The following PIP5K1B variants were observed in gnomAD, a reference collection of about 807,000 sequenced individuals.
The protein encoded by PIP5K1B is phosphatidylinositol 4-phosphate 5-kinase type-1 beta.
Under a neutral mutation model 67.0 loss-of-function variants are expected in PIP5K1B, and 42 were observed. The ratio of observed to expected loss-of-function variants is 0.63; its 90% confidence interval spans 0.49 to 0.81. PIP5K1B has a LOEUF of 0.81. Ranked by LOEUF, PIP5K1B falls within the 30% of genes least tolerant of loss-of-function variation. The probability of loss-of-function intolerance (pLI) is 0.00; values close to 1 mark genes in which losing one functional copy is unlikely to be tolerated. For synonymous variants in PIP5K1B, 214 were observed against 231.4 expected (o/e 0.92, Z 0.68); for missense variants, 459 against 646.3 (o/e 0.71, Z 3.14).
chr9:68,789,081 G>A, intron 2 of PIP5K1B: 4 of 519,304 alleles, frequency 7.7e-6, no homozygotes, highest in Admixed American at 2.3e-5. Flanking sequence ...TGTAGAACCT[G>A]ATTTATCAAT....
chr9:68,917,478 T>A (rs538212763), intron 8 of PIP5K1B, 70 bp from the exon 9 acceptor site: 63 of 1,081,958 alleles, frequency 5.8e-5, no homozygotes, highest in Non-Finnish European at 7.8e-5. Flanking sequence ...TCTAGAGCTC[T>A]CTGATAATGA....
intron 2 of PIP5K1B, among the ~76,000 whole-genome samples, chr9:68,768,876 C>T (rs1830555117): frequency 6.6e-6 from 1 of 152,142 alleles, no homozygotes. Context: ...TGTTGTTGGC[C>T]CTTGGAGGCA....
At chr9:68,913,389 A>T in intron 8 of PIP5K1B, among the ~76,000 whole-genome samples, 1 of 152,216 alleles carries the variant, frequency 6.6e-6, no homozygotes. Flanking sequence ...GGTGTCTGTC[A>T]TGTTGCAGAA....
At chr9:68,790,061 A>T (rs1406701576) in intron 2 of PIP5K1B, among the ~76,000 whole-genome samples, 2 of 151,998 alleles carry the variant, frequency 1.3e-5, no homozygotes, top group Non-Finnish European at 2.9e-5. Context: ...AACCAGTTTG[A>T]CCCTTCCCTC....
chr9:68,921,375 C>T (rs1188118417), intron 11 of PIP5K1B, among the ~76,000 whole-genome samples: 1 of 151,898 alleles, frequency 6.6e-6, no homozygotes, highest in Non-Finnish European at 1.5e-5. Flanking sequence ...GAAAGAAGGT[C>T]AATATGGTAG....
At chr9:68,965,210 AAT>A (rs1828957549) in intron 14 of PIP5K1B, among the ~76,000 whole-genome samples, 1 of 9,628 alleles carries the variant, frequency 1.0e-4, no homozygotes, top group Non-Finnish European at 3.8e-3. Context: ...GAGATAAGAA[AAT>A]ATATATGACT....
At chr9:68,992,910 G>C (rs1339618972) in intron 15 of PIP5K1B, among the ~76,000 whole-genome samples, 3 of 140,732 alleles carry the variant, frequency 2.1e-5, no homozygotes, top group Non-Finnish European at 4.5e-5. Flanking sequence ...TGTAATCCCA[G>C]CACTTTGGGA....
intron 14 of PIP5K1B, among the ~76,000 whole-genome samples, chr9:68,972,005 T>A (rs1215611474): frequency 6.6e-6 from 1 of 152,238 alleles, no homozygotes; most frequent in African/African-American, 2.4e-5. Flanking sequence ...ATCTCATTTG[T>A]CAGTTTTGGC....
chr9:68,958,931 A>G (rs1382035823), intron 14 of PIP5K1B, among the ~76,000 whole-genome samples: 1 of 152,212 alleles, frequency 6.6e-6, no homozygotes, highest in African/African-American at 2.4e-5. Flanking sequence ...AACTAAGTAT[A>G]ATCGTCACCT....
chr9:68,952,055 G>A (rs1272034177), intron 14 of PIP5K1B, among the ~76,000 whole-genome samples: 2 of 151,892 alleles, frequency 1.3e-5, no homozygotes, highest in African/African-American at 4.8e-5. Flanking sequence ...CAGTTTCCCT[G>A]TATAGTTACA....
At chr9:68,722,981 A>G (rs957131271) in intron 1 of PIP5K1B, among the ~76,000 whole-genome samples, 1 of 152,134 alleles carries the variant, frequency 6.6e-6, no homozygotes, top group Non-Finnish European at 1.5e-5. Flanking sequence ...TCTCATAACT[A>G]TCATTTTATT....
intron 4 of PIP5K1B, among the ~76,000 whole-genome samples, chr9:68,826,980 G>C (rs753394815): frequency 6.6e-6 from 1 of 152,136 alleles, no homozygotes; most frequent in African/African-American, 2.4e-5. Flanking sequence ...TCGAACTCCT[G>C]AGCTCAGGCA....
At chr9:68,992,939 A>G (rs1373423127) in intron 15 of PIP5K1B, among the ~76,000 whole-genome samples, 2 of 148,758 alleles carry the variant, frequency 1.3e-5, no homozygotes, top group African/African-American at 5.0e-5. Context: ...CAGGAGCATC[A>G]GGAGGTCAGG....
intron 2 of PIP5K1B, among the ~76,000 whole-genome samples, chr9:68,745,557 C>G (rs929846213): frequency 2.0e-5 from 3 of 152,174 alleles, no homozygotes; most frequent in Non-Finnish European, 2.9e-5. Context: ...TGACACACAG[C>G]ATAGAAAAGG....
chr9:68,967,499 A>C (rs1008502994), intron 14 of PIP5K1B, among the ~76,000 whole-genome samples: 2 of 152,198 alleles, frequency 1.3e-5, no homozygotes, highest in African/African-American at 2.4e-5. Context: ...GGAAGCTAAG[A>C]ATTAGTTCAC....
At chr9:68,740,834 A>G (rs984165384) in intron 1 of PIP5K1B, among the ~76,000 whole-genome samples, 1 of 152,252 alleles carries the variant, frequency 6.6e-6, no homozygotes, top group Non-Finnish European at 1.5e-5. Flanking sequence ...AAATGTCACA[A>G]GATCTGAGCT....
intron 6 of PIP5K1B, among the ~76,000 whole-genome samples, chr9:68,878,699 A>G (rs1316720966): frequency 2.0e-5 from 3 of 152,218 alleles, no homozygotes; most frequent in South Asian, 2.1e-4. Context: ...TAATTTGTCT[A>G]TGTAGAAAAC....
At chr9:68,802,740 G>A (rs1309887847) in intron 2 of PIP5K1B, among the ~76,000 whole-genome samples, 1 of 152,164 alleles carries the variant, frequency 6.6e-6, no homozygotes, top group East Asian at 1.9e-4. Flanking sequence ...GATGCAAAGA[G>A]AACCACGCAT....
chr9:68,868,842 T>G (rs922331415), intron 5 of PIP5K1B, among the ~76,000 whole-genome samples: 3 of 152,190 alleles, frequency 2.0e-5, no homozygotes, highest in Admixed American at 6.5e-5. Flanking sequence ...AAACAGGAGT[T>G]TACCCTGATG....
Sources: gnomAD v4.1 joint callset for allele counts (sites outside exome capture counted in the v4.1 genomes callset) on GRCh38, gnomAD v4.1.1 for gene constraint, MANE v1.5 for transcripts, NCBI Gene and HGNC (gene_info 2026-07-23, HGNC 2026-07-21) for gene names.